SYAP1: variants seen among roughly 807,000 people sequenced by gnomAD.
SYAP1 encodes the protein synapse-associated protein 1.
In SYAP1, 3 loss-of-function variants were observed where a neutral mutation model predicts 29.6. That is an observed-to-expected ratio of 0.10 (90% CI 0.05 to 0.26). SYAP1 has a LOEUF of 0.26. Among genes scored for constraint, SYAP1 ranks in the 10% least tolerant of loss-of-function variants. The pLI is 1.00. For missense variants in SYAP1, 217 were observed against 264.1 expected (o/e 0.82, Z 1.24); for synonymous variants, 102 against 102.7 (o/e 0.99, Z 0.04).
intron 3 of SYAP1, among the ~76,000 whole-genome samples, chrX:16,740,010 C>T (rs192268619): frequency 1.8e-5 from 2 of 111,223 alleles, no homozygotes; most frequent in East Asian, 2.8e-4. Flanking sequence ...CTAGCTGCTC[C>T]GTGCTGCTTA....
At chrX:16,736,117 AAC>A (rs1390754837) in intron 2 of SYAP1, 47 bp from the exon 3 acceptor site, 2 of 825,449 alleles carry the variant, frequency 2.4e-6, no homozygotes, top group Non-Finnish European at 3.6e-6. Context: ...TCATCAATTA[AAC>A]CTTAGATACA....
intron 1 of SYAP1, among the ~76,000 whole-genome samples, chrX:16,722,261 G>T (rs2147413554): frequency 8.9e-6 from 1 of 111,747 alleles, no homozygotes; most frequent in East Asian, 2.8e-4. Context: ...GGGTGCGGTG[G>T]CTCACGCCTA....
rs1192327342 is a variant in SYAP1 at position 16,762,439 on chromosome X, T to C, written c.*2080T>C. The stretch of plus-strand genomic sequence containing the variant: ...GTGAAAATAAAAGGATAAAATAAGA[T>C]TTTGTACATACTGTAAGAATACAGT... On this transcript the variant is annotated 3_prime_UTR_variant, in exon 9 of 9. Coordinates refer to ENST00000380155, the MANE Select transcript of SYAP1 (RefSeq NM_032796.4). 9.0e-6 allele frequency: 1 copy of C among 111,669 alleles called. No homozygotes were observed. Among genetic ancestry groups the C allele is most frequent in the East Asian group, 2.8e-4 (1 of 3,584 alleles). The allele number at this position is 111,669 out of a possible 1,213,427, so 9.2% of individuals were successfully genotyped here. A position where few individuals can be genotyped will look rare whatever the true frequency, so the allele number is the denominator to read the frequency against.
chrX:16,732,604 C>T (rs756894248), intron 1 of SYAP1, among the ~76,000 whole-genome samples: 28 of 111,881 alleles, frequency 2.5e-4, no homozygotes, highest in Admixed American at 1.5e-3. Flanking sequence ...AACTTAACCA[C>T]TCAGTCAGTA....
At chrX:16,732,007 A>G (rs1224160163) in intron 1 of SYAP1, among the ~76,000 whole-genome samples, 1 of 112,072 alleles carries the variant, frequency 8.9e-6, no homozygotes, top group Non-Finnish European at 1.9e-5. Flanking sequence ...TGTAGCCTCT[A>G]TGCCAAATTT....
rs190803580 is a variant in SYAP1, at chrX:16,750,105, G to A, written c.576-4840G>A. ...TCCCTCACCATCCAGGTGTTTTGCC[G>A]GTAAATACCCTTTGGTTTGTCAGTG... On this transcript the variant is annotated intron_variant, in intron 5 of 8. Coordinates refer to ENST00000380155, the MANE Select transcript of SYAP1 (RefSeq NM_032796.4). Among the ~76,000 whole-genome samples the A allele has an allele frequency of 2.5e-3, 272 of 110,800 alleles. 2 individuals carry two copies. Among genetic ancestry groups the A allele is most frequent in the African/African-American group, 5.1e-3 (156 of 30,498 alleles).
intron 3 of SYAP1, chrX:16,736,499 T>A (rs1926331264): frequency 4.0e-6 from 1 of 250,027 alleles, no homozygotes; most frequent in Admixed American, 6.2e-5. Flanking sequence ...CAGTTCTGAC[T>A]TTCTCTTTTC....
intron 3 of SYAP1, among the ~76,000 whole-genome samples, chrX:16,739,663 C>T (rs1926412918): frequency 9.0e-6 from 1 of 110,605 alleles, no homozygotes; most frequent in Admixed American, 9.7e-5. Context: ...CCTTGTGTTT[C>T]CTTCAGGCAT....
intron 1 of SYAP1, among the ~76,000 whole-genome samples, chrX:16,727,724 T>G (rs1432616989): frequency 8.9e-6 from 1 of 111,746 alleles, no homozygotes; most frequent in Admixed American, 9.6e-5. Flanking sequence ...CCTCTCCTCT[T>G]GAGGTCCCAA....
rs751994677 is a variant in SYAP1, at chrX:16,743,503, G to A, written c.436-198G>A. Among the ~76,000 whole-genome samples the A allele has an allele frequency of 5.9e-5, 6 of 101,564 alleles. No homozygotes were observed. In the East Asian group the frequency reaches 1.3e-3, roughly 22 times the overall value. The allele number at this position is 101,564 out of a possible 115,157, so 88.2% of individuals were successfully genotyped here. Reference sequence around the variant, plus strand: ...ACAAAAATTAGCCAGGCGCAGTGGCGGGTGCCTATAATCCCAGCTACTCGG... The same window carrying A: ...ACAAAAATTAGCCAGGCGCAGTGGCAGGTGCCTATAATCCCAGCTACTCGG... On this transcript the variant is annotated intron_variant, in intron 4 of 8. Coordinates refer to ENST00000380155, the MANE Select transcript of SYAP1 (RefSeq NM_032796.4).
chrX:16,731,207 T>C (rs770456996), intron 1 of SYAP1, among the ~76,000 whole-genome samples: 1 of 112,437 alleles, frequency 8.9e-6, no homozygotes. Flanking sequence ...TATATTTTTA[T>C]TGGAAAATAC....
intron 4 of SYAP1, among the ~76,000 whole-genome samples, chrX:16,742,143 GTTTTTTTTTTTT>G (rs144175479): frequency 4.3e-4 from 18 of 41,861 alleles, no homozygotes; most frequent in Non-Finnish European, 7.0e-4. Flanking sequence ...TTTTTGTGTG[GTTTTTTTTTTTT>G]TTTTTTTTTT....
At position 16,760,677 on chromosome X, in the gene SYAP1, A is replaced by G. The variant is rs1275426986; in HGVS notation, c.*318A>G. On this transcript the variant is annotated 3_prime_UTR_variant, in exon 9 of 9. Coordinates refer to ENST00000380155, the MANE Select transcript of SYAP1 (RefSeq NM_032796.4). ...TTCTGTTTTCCATGAGGTCAAAAAT[A>G]TAATTTATTCCTCAGTCATGGTTTT... 7 of 124,665 alleles carry G rather than the reference A, an allele frequency of 5.6e-5. No homozygotes were observed. In the East Asian group the frequency reaches 1.7e-3, roughly 30 times the overall value. 10.3% of individuals were successfully genotyped at this position (124,665 alleles called of 1,213,427 possible).
chrX:16,745,080 C>T (rs758453273), intron 5 of SYAP1, among the ~76,000 whole-genome samples: 96 of 112,631 alleles, frequency 8.5e-4, no homozygotes, highest in Middle Eastern at 4.6e-3. Flanking sequence ...TTCGCATTAG[C>T]AGTGCCATAC....
intron 4 of SYAP1, among the ~76,000 whole-genome samples, chrX:16,742,918 C>CTT (rs1431677801): frequency 1.1e-5 from 1 of 87,977 alleles, no homozygotes; most frequent in African/African-American, 4.3e-5. Context: ...CTGTCCGCTT[C>CTT]TATTTTTTTT....
At chrX:16,747,756 A>T (rs188755670) in intron 5 of SYAP1, among the ~76,000 whole-genome samples, 1 of 113,120 alleles carries the variant, frequency 8.8e-6, no homozygotes, top group Non-Finnish European at 1.9e-5. Flanking sequence ...CTTAGAAATT[A>T]TAGTTTTTAT....
intron 5 of SYAP1, among the ~76,000 whole-genome samples, chrX:16,747,530 CTGG>C (rs1485979381): frequency 1.8e-5 from 2 of 112,543 alleles, no homozygotes; most frequent in African/African-American, 6.4e-5. Context: ...GGCCTGTGGC[CTGG>C]GGTGCTCATA....
At chrX:16,734,385 CAA>C (rs761468112) in intron 1 of SYAP1, among the ~76,000 whole-genome samples, 12 of 49,182 alleles carry the variant, frequency 2.4e-4, no homozygotes, top group Admixed American at 8.2e-4. Context: ...GACTTCATCT[CAA>C]AAAAAAAAAA....
At chrX:16,753,413 CA>C (rs200899959) in intron 5 of SYAP1, among the ~76,000 whole-genome samples, 1 of 108,057 alleles carries the variant, frequency 9.3e-6, no homozygotes, top group Non-Finnish European at 1.9e-5. Flanking sequence ...GACTTTGTCT[CA>C]AAAAAAAATA....
Sources: allele counts gnomAD v4.1 joint callset (sites outside exome capture counted in the v4.1 genomes callset), GRCh38; gene constraint gnomAD v4.1.1; transcripts MANE v1.5; gene names NCBI Gene and HGNC (gene_info 2026-07-23, HGNC 2026-07-21).